Variants in IPMK observed in about 807,000 individuals in gnomAD.
IPMK encodes inositol polyphosphate multikinase.
In IPMK, 17 loss-of-function variants were observed where a neutral mutation model predicts 45.8. The observed-to-expected ratio is 0.37, with a 90% CI of 0.25 to 0.56. The LOEUF is 0.56. IPMK is among the 20% of genes least tolerant of loss of function. The probability of loss-of-function intolerance (pLI) is 0.79; values close to 1 mark genes in which losing one functional copy is unlikely to be tolerated. For synonymous variants in IPMK, 180 were observed against 184.3 expected (o/e 0.98, Z 0.19); for missense variants, 399 against 498.0 (o/e 0.80, Z 1.89).
intron 3 of IPMK, among the ~76,000 whole-genome samples, chr10:58,218,681 T>A (rs1456412161): frequency 6.6e-6 from 1 of 152,190 alleles, no homozygotes; most frequent in African/African-American, 2.4e-5. Context: ...ACAGCATCTA[T>A]ATCTCACTGT....
At position 58,196,182 on chromosome 10, in the gene IPMK, C is replaced by A. The variant is rs201911489; in HGVS notation, c.1145G>T (p.Arg382Leu). Residue 382 changes from arginine (R) to leucine (L), a missense_variant, in exon 6 of 6, where the codon CGA becomes CTA. Arg to Leu is a moderately radical substitution (Grantham distance 102). This residue lies in a region of IPMK where 288 missense variants were observed against 398.0 expected (regional missense o/e 0.72). Transcript: ENST00000373935. ...GAACACATGAGCAAAATCTATCATT[C>A]GCACTTCTACTTCAGCAATCTCTTG... ...GCQEIAEVEV[R>L]MIDFAHVFPS... The A allele has an allele frequency of 1.9e-6, 3 of 1,614,012 alleles. No homozygotes were observed. Among genetic ancestry groups the A allele is most frequent in the Non-Finnish European group, 2.5e-6 (3 of 1,179,906 alleles).
At position 58,202,861 on chromosome 10, in the gene IPMK, A is replaced by G. The variant is rs542561907; in HGVS notation, c.547-3540T>C. Among the ~76,000 whole-genome samples the G allele has an allele frequency of 1.4e-3, 218 of 152,308 alleles. 2 individuals carry two copies. Among genetic ancestry groups the G allele is most frequent in the Middle Eastern group, 0.01 (3 of 294 alleles). On this transcript the variant is annotated intron_variant, in intron 4 of 5. Transcript: ENST00000373935. ...CCTAACAAGATTACTGATGATGTAC[A>G]AGGAGATTAATATTGTTTTCATGCC...
chr10:58,213,446 A>G (rs1360971187), intron 4 of IPMK, among the ~76,000 whole-genome samples: 1 of 152,228 alleles, frequency 6.6e-6, no homozygotes, highest in African/African-American at 2.4e-5. Context: ...ACACTATGGG[A>G]GGCCAAGGCG....
intron 3 of IPMK, among the ~76,000 whole-genome samples, chr10:58,226,177 T>C (rs551272474): frequency 6.6e-6 from 1 of 152,246 alleles, no homozygotes; most frequent in African/African-American, 2.4e-5. Context: ...TAGTGAAACC[T>C]GGCACGCAAA....
intron 1 of IPMK, among the ~76,000 whole-genome samples, chr10:58,250,052 T>G (rs1414138333): frequency 6.6e-6 from 1 of 152,214 alleles, no homozygotes; most frequent in African/African-American, 2.4e-5. Context: ...ATGTGTCTGT[T>G]TTTATGTCAG....
At chr10:58,210,914 C>T (rs1368460804) in intron 4 of IPMK, among the ~76,000 whole-genome samples, 1 of 152,190 alleles carries the variant, frequency 6.6e-6, no homozygotes, top group African/African-American at 2.4e-5. Context: ...CATTGTGAAT[C>T]TCCACACACT....
At chr10:58,204,494 A>G (rs1838044465) in intron 4 of IPMK, among the ~76,000 whole-genome samples, 1 of 152,110 alleles carries the variant, frequency 6.6e-6, no homozygotes, top group Non-Finnish European at 1.5e-5. Context: ...ACAAATTTGA[A>G]AAAGAGAGCA....
chr10:58,207,648 A>G (rs1166329123), intron 4 of IPMK, among the ~76,000 whole-genome samples: 1 of 152,058 alleles, frequency 6.6e-6, no homozygotes, highest in East Asian at 1.9e-4. Context: ...GAAGTGCCCC[A>G]CTATTATTGT....
intron 1 of IPMK, among the ~76,000 whole-genome samples, chr10:58,243,463 G>A (rs1012588855): frequency 5.3e-5 from 8 of 152,140 alleles, no homozygotes; most frequent in Non-Finnish European, 1.0e-4. Context: ...TCGCTGCCTC[G>A]GGCTCGGGTG....
chr10:58,259,987 T>A lies in IPMK; in HGVS notation c.190+7435A>T, dbSNP rs1357600447. 2.0e-5 allele frequency among the ~76,000 whole-genome samples: 3 copies of A among 152,154 alleles called. No homozygotes were observed. In the East Asian group the frequency reaches 5.8e-4, roughly 29 times the overall value. ...CAGAATATCTAACAGTCTCAAAATA[T>A]TCCTCTCAAATTACTTAACAGCAAA... On this transcript the variant is annotated intron_variant, in intron 1 of 5. Transcript: ENST00000373935.
rs1838243896 is a variant in IPMK, at chr10:58,216,283, T to C, written c.408A>G (p.Lys136=). 6.3e-7 allele frequency: 1 copy of C among 1,578,212 alleles called. No individual in the cohort carries two copies. The highest frequency in any genetic ancestry group is 8.6e-7 in the Non-Finnish European group (1 of 1,161,086). The part of the protein sequence containing the change: ...LYLKLEDVTH[K]FNKPCIMDVK... ...CATCCATTATACAGGGCTTATTAAA[T>C]TTATGGGTCACATCTTCCAGTTTTA... is the stretch of plus-strand genomic sequence containing the variant. Residue 136 remains lysine (K), a synonymous_variant, in exon 4 of 6, where the codon AAA becomes AAG. Transcript: ENST00000373935.
chr10:58,247,872 C>T (rs1213197038), intron 1 of IPMK, among the ~76,000 whole-genome samples: 1 of 152,148 alleles, frequency 6.6e-6, no homozygotes, highest in Admixed American at 6.6e-5. Flanking sequence ...TAAACTCTCA[C>T]ATTAAAAGGA....
chr10:58,241,161 C>T (rs780971503), intron 1 of IPMK, among the ~76,000 whole-genome samples: 8 of 152,118 alleles, frequency 5.3e-5, no homozygotes, highest in African/African-American at 7.2e-5. Flanking sequence ...CTCATACAAA[C>T]GACTTGCTGA....
At chr10:58,213,423 G>T (rs928144440) in intron 4 of IPMK, among the ~76,000 whole-genome samples, 1 of 152,302 alleles carries the variant, frequency 6.6e-6, no homozygotes, top group East Asian at 1.9e-4. Context: ...GGTGGCTCAC[G>T]CCTGTAATCC....
intron 4 of IPMK, among the ~76,000 whole-genome samples, chr10:58,212,204 T>G (rs1012708363): frequency 5.3e-5 from 8 of 152,150 alleles, no homozygotes; most frequent in African/African-American, 1.9e-4. Flanking sequence ...ACCGTGAAAG[T>G]TATTTAACAA....
At position 58,267,640 on chromosome 10, in the gene IPMK, G is replaced by A. The variant is rs780174755; in HGVS notation, c.-29C>T. 6.6e-7 allele frequency: 1 copy of A among 1,517,608 alleles called. No homozygotes were observed. The highest frequency in any genetic ancestry group is 2.4e-5 in the East Asian group (1 of 41,296). 94.0% of individuals were successfully genotyped at this position (1,517,608 alleles called of 1,614,324 possible). ...GGAGAGCAGAAGCGGTAACGGCAGC[G>A]AGAGTAGGAAAAAAAATAGGGCGAG... On this transcript the variant is annotated 5_prime_UTR_variant, in exon 1 of 6. Coordinates refer to ENST00000373935, the MANE Select transcript of IPMK (RefSeq NM_152230.5).
At chr10:58,244,240 C>A (rs1465868170) in intron 1 of IPMK, among the ~76,000 whole-genome samples, 1 of 147,140 alleles carries the variant, frequency 6.8e-6, no homozygotes, top group African/African-American at 2.5e-5. Context: ...CTATGCCCGG[C>A]TGCCCTTGGT....
chr10:58,226,130 C>T (rs939508976), intron 3 of IPMK, among the ~76,000 whole-genome samples: 1 of 152,120 alleles, frequency 6.6e-6, no homozygotes, highest in African/African-American at 2.4e-5. Context: ...TATCAGCTAG[C>T]TGAGGATACT....
intron 1 of IPMK, among the ~76,000 whole-genome samples, chr10:58,265,819 A>G (rs1255310237): frequency 2.0e-5 from 3 of 152,228 alleles, no homozygotes; most frequent in Admixed American, 6.5e-5. Flanking sequence ...ACTATTACAT[A>G]CTGTAATAAG....
Sources: gnomAD v4.1 joint callset for allele counts (sites outside exome capture counted in the v4.1 genomes callset) on GRCh38, gnomAD v4.1.1 for gene constraint, gnomAD v4.1.1 regional missense constraint, MANE v1.5 for transcripts, NCBI Gene and HGNC (gene_info 2026-07-23, HGNC 2026-07-21) for gene names.